The following IPPK variants were observed in gnomAD, a reference collection of about 807,000 sequenced individuals.
IPPK encodes the protein inositol-pentakisphosphate 2-kinase, also known as IPK1 homolog.
IPPK carries 22 observed loss-of-function variants against 64.6 expected under a neutral mutation model. The ratio of observed to expected loss-of-function variants is 0.34; its 90% CI spans 0.24 to 0.49. IPPK has a LOEUF of 0.49. Among genes scored for constraint, IPPK ranks in the 20% least tolerant of loss-of-function variants. IPPK has a pLI of 0.99. For missense variants in IPPK, 532 were observed against 630.7 expected (o/e 0.84, Z 1.68); for synonymous variants, 262 against 247.2 (o/e 1.06, Z -0.56).
At chr9:92,652,529 A>G (rs1193194758) in intron 4 of IPPK, 44 bp downstream of exon 4, 1 of 1,037,594 alleles carries the variant, frequency 9.6e-7, no homozygotes, top group South Asian at 1.6e-5. Context: ...TTCAAATGGA[A>G]TATTTTAAAT....
chr9:92,655,971 A>G (rs888612074), intron 3 of IPPK, among the ~76,000 whole-genome samples: 2 of 152,162 alleles, frequency 1.3e-5, no homozygotes, highest in African/African-American at 2.4e-5. Context: ...CACAGACCCC[A>G]GCACAGGCGG....
intron 11 of IPPK, among the ~76,000 whole-genome samples, chr9:92,624,563 G>A (rs1027777170): frequency 6.6e-6 from 1 of 152,142 alleles, no homozygotes; most frequent in African/African-American, 2.4e-5. Context: ...GAGCTCAGGA[G>A]GTCAAGGCTG....
At position 92,652,619 on chromosome 9, in the gene IPPK, T is replaced by C; in HGVS notation, c.246A>G (p.Leu82=). 1 of 1,575,872 alleles carries C rather than the reference T, an allele frequency of 6.3e-7. No individual in the cohort carries two copies. Among genetic ancestry groups the C allele is most frequent in the South Asian group, 1.1e-5 (1 of 87,100 alleles). Residue 82 remains leucine, a synonymous_variant, in exon 4 of 13, where the codon TTA becomes TTG. Transcript: ENST00000287996. ...VHYGEVVQLP[L]EFVKQLCLKI... ...TTAAACAAAGCTGTTTCACAAACTCTAAAGGTAGCTGAACGACCTCCTGTA... is the reference window on the plus strand; with the variant it reads ...TTAAACAAAGCTGTTTCACAAACTCCAAAGGTAGCTGAACGACCTCCTGTA...
At position 92,670,119 on chromosome 9, in the gene IPPK, C is replaced by A. The variant is rs1401269153; in HGVS notation, c.-131G>T. 17 of 580,254 alleles carry A rather than the reference C, an allele frequency of 2.9e-5. No homozygotes were observed. The highest frequency in any genetic ancestry group is 4.8e-5 in the Non-Finnish European group (17 of 352,246). 35.9% of individuals were successfully genotyped at this position (580,254 alleles called of 1,614,324 possible). ...GTCAGCTGCCGCCCCCGCTCGACCC[C>A]GCCGCGGCGACTAGCAAGCTGTGGC... is the stretch of plus-strand genomic sequence containing the variant. On this transcript the variant is annotated 5_prime_UTR_variant, in exon 1 of 13. Transcript: ENST00000287996.
At chr9:92,644,280 A>C (rs1587633731) in intron 6 of IPPK, among the ~76,000 whole-genome samples, 1 of 152,332 alleles carries the variant, frequency 6.6e-6, no homozygotes, top group East Asian at 1.9e-4. Context: ...AGCTAAATCT[A>C]AGCAAGATCA....
intron 11 of IPPK, chr9:92,620,510 T>TAAAC (rs966388438): frequency 1.3e-5 from 2 of 152,194 alleles, no homozygotes; most frequent in Admixed American, 1.3e-4. Context: ...TTCACAAAAA[T>TAAAC]AAACAGTTGT....
intron 1 of IPPK, among the ~76,000 whole-genome samples, chr9:92,663,707 A>G (rs1852535028): frequency 6.6e-6 from 1 of 152,206 alleles, no homozygotes; most frequent in Non-Finnish European, 1.5e-5. Flanking sequence ...TAACTACAAG[A>G]GCCTTTCAGG....
chr9:92,650,147 C>A (rs1313291374), intron 4 of IPPK, among the ~76,000 whole-genome samples: 1 of 151,288 alleles, frequency 6.6e-6, no homozygotes, highest in Middle Eastern at 3.4e-3. Flanking sequence ...CATGGTGAAA[C>A]CCCATCTCTA....
chr9:92,618,418 C>G, intron 12 of IPPK: 1 of 456,696 alleles, frequency 2.2e-6, no homozygotes, highest in South Asian at 1.5e-5. Flanking sequence ...AAGAGATTCC[C>G]AGGTGCTAGA....
chr9:92,656,536 A>C lies in IPPK; in HGVS notation c.145T>G (p.Phe49Val). ...TCCACTATGTTCTGCAGGTGTTGAA[A>C]TATCTCTTCCGAGGTCTGTAAGAGA... is the stretch of plus-strand genomic sequence containing the variant. ...PNRKKTSEEI[F>V]QHLQNIVDFG... The change falls in exon 3 of 13, where the codon TTT becomes GTT. Residue 49 changes from phenylalanine (F) to valine (V), a missense_variant. By Grantham distance (50) the Phe-to-Val change is conservative. Coordinates refer to ENST00000287996, the MANE Select transcript of IPPK (RefSeq NM_022755.6). The C allele has an allele frequency of 6.2e-7, 1 of 1,612,410 alleles. No individual in the cohort carries two copies. Among genetic ancestry groups the C allele is most frequent in the East Asian group, 2.2e-5 (1 of 44,858 alleles).
At position 92,638,486 on chromosome 9, in the gene IPPK, A is replaced by C. The variant is rs372216541; in HGVS notation, c.637-206T>G. Among the ~76,000 whole-genome samples, 16 of 152,256 alleles carry C rather than the reference A, an allele frequency of 1.1e-4. 1 individual carries two copies. Among genetic ancestry groups the C allele is most frequent in the Admixed American group, 4.6e-4 (7 of 15,292 alleles). ...GCTATCAACCAAGCACCAAACCTCA[A>C]GACATGAAAAGGAAGGAAAGTTTCA... On this transcript the variant is annotated intron_variant, in intron 8 of 12. Transcript: ENST00000287996.
At position 92,656,463 on chromosome 9, in the gene IPPK, T is replaced by C. The variant is rs747110296; in HGVS notation, c.218A>G (p.His73Arg). 3 of 1,606,652 alleles carry C rather than the reference T, an allele frequency of 1.9e-6. No homozygotes were observed. The highest frequency in any genetic ancestry group is 4.5e-5 in the East Asian group (2 of 44,856). The change falls in exon 3 of 13, where the codon CAT (histidine) becomes CGT (arginine). Residue 73 changes from histidine (H) to arginine (R), a missense_variant. Coordinates refer to ENST00000287996, the MANE Select transcript of IPPK (RefSeq NM_022755.6). ...MKEFLGENYV[H>R]YGEVVQLPLE... ...TGAATAAAAAGCACTTACCCCATAATGAACATAGTTCTCCCCCAAAAACTC... is the reference window on the plus strand; with the variant it reads ...TGAATAAAAAGCACTTACCCCATAACGAACATAGTTCTCCCCCAAAAACTC...
At chr9:92,616,809 C>T (rs972866353) in intron 12 of IPPK, 3 of 152,258 alleles carry the variant, frequency 2.0e-5, no homozygotes, top group Admixed American at 2.0e-4. Context: ...GGGCACTCAG[C>T]GCACAGCACT....
intron 6 of IPPK, among the ~76,000 whole-genome samples, chr9:92,643,235 G>C (rs1396993948): frequency 6.6e-6 from 1 of 152,228 alleles, no homozygotes; most frequent in Non-Finnish European, 1.5e-5. Flanking sequence ...AAGGCAACTT[G>C]CTGGTATCCA....
chr9:92,640,879 TC>T, intron 7 of IPPK, 97 bp from the exon 8 acceptor site: 1 of 856,382 alleles, frequency 1.2e-6, no homozygotes, highest in Non-Finnish European at 2.0e-6. Context: ...TGCTGGGTAC[TC>T]CCAGGGGCCG....
Position 92,635,032 on chromosome 9 carries a change from G to C in IPPK, c.1067+126C>G. On this transcript the variant is annotated intron_variant, in intron 10 of 12. Transcript: ENST00000287996. This position sits in a 1 kb window ranked among gnomAD's most constrained non-coding sequence, Gnocchi z 4.4. ...CCTGGGCACCTGGGAGCGGAGGACTGGGGTAGGAAGTGGCCGGCATGCTTC... is the reference window on the plus strand; with the variant it reads ...CCTGGGCACCTGGGAGCGGAGGACTCGGGTAGGAAGTGGCCGGCATGCTTC... The C allele has an allele frequency of 8.0e-6, 7 of 875,642 alleles. No individual in the cohort carries two copies. The highest frequency in any genetic ancestry group is 1.2e-5 in the Non-Finnish European group (7 of 575,568). The allele number at this position is 875,642 out of a possible 1,614,324, so 54.2% of individuals were successfully genotyped here. A position where few individuals can be genotyped will look rare whatever the true frequency, so the allele number is the denominator to read the frequency against.
chr9:92,639,418 C>T (rs1207957309), intron 8 of IPPK, among the ~76,000 whole-genome samples: 1 of 152,162 alleles, frequency 6.6e-6, no homozygotes, highest in African/African-American at 2.4e-5. Context: ...CGGACCAGAT[C>T]GGCGGGAGAG....
chr9:92,628,897 A>T (rs796645934), intron 11 of IPPK, among the ~76,000 whole-genome samples: 2 of 152,184 alleles, frequency 1.3e-5, no homozygotes, highest in African/African-American at 4.8e-5. Flanking sequence ...AAACAAAAAA[A>T]TGGTGCTGGG....
rs533675250 is a variant in IPPK, at chr9:92,651,738, G to A, written c.292+835C>T. ...TCTTTTTTGTTCGTTTGTTTGAGAC[G>A]GAGTCTCACTCTGTCACCTGGGGTT... On this transcript the variant is annotated intron_variant, in intron 4 of 12. Transcript: ENST00000287996. Among the ~76,000 whole-genome samples, 11 of 152,288 alleles carry A rather than the reference G, an allele frequency of 7.2e-5. No individual in the cohort carries two copies. In the East Asian group the frequency reaches 1.2e-3, roughly 16 times the overall value.
Sources: gnomAD v4.1 joint callset for allele counts (sites outside exome capture counted in the v4.1 genomes callset) on GRCh38, gnomAD v4.1.1 for gene constraint, Gnocchi (gnomAD v3.1) non-coding constraint, MANE v1.5 for transcripts, NCBI Gene and HGNC (gene_info 2026-07-23, HGNC 2026-07-21) for gene names.